KCNAB1: variants seen among roughly 807,000 people sequenced by gnomAD.
KCNAB1 encodes voltage-gated potassium channel subunit beta-1.
KCNAB1 carries 35 observed loss-of-function variants against 64.6 expected under a neutral mutation model. The observed-to-expected ratio is 0.54, with a 90% CI of 0.41 to 0.72. The LOEUF (loss-of-function observed/expected upper bound fraction) is 0.72, where lower values mean the gene tolerates loss of function less well. Among genes scored for constraint, KCNAB1 ranks in the 30% least tolerant of loss-of-function variants. The pLI is 0.00. For synonymous variants in KCNAB1, 177 were observed against 183.8 expected (o/e 0.96, Z 0.30); for missense variants, 401 against 512.9 (o/e 0.78, Z 2.11).
intron 1 of KCNAB1, among the ~76,000 whole-genome samples, chr3:156,249,253 A>G (rs1367948392): frequency 6.6e-6 from 1 of 152,072 alleles, no homozygotes; most frequent in Non-Finnish European, 1.5e-5. Context: ...GAAAATATCT[A>G]TGGGAAGGGG....
chr3:156,316,242 A>G (rs1248219044), intron 1 of KCNAB1, among the ~76,000 whole-genome samples: 1 of 152,082 alleles, frequency 6.6e-6, no homozygotes, highest in Admixed American at 6.5e-5. Flanking sequence ...GAAAACCAAC[A>G]CCCACCCCCA....
chr3:156,299,192 A>C (rs1720992335), intron 1 of KCNAB1, among the ~76,000 whole-genome samples: 1 of 152,186 alleles, frequency 6.6e-6, no homozygotes, highest in African/African-American at 2.4e-5. Flanking sequence ...GGTAGGCCCC[A>C]TTTTTCAACA....
chr3:156,474,885 CACAGCAGGAAATGAATTGT>C (rs990860727), intron 8 of KCNAB1, 65 bp downstream of exon 8: 13 of 1,182,706 alleles, frequency 1.1e-5, no homozygotes, highest in Middle Eastern at 2.0e-4. Context: ...TTATTCTGCT[CACAGCAGGAAATGAATTGT>C]ATTCAGACTG....
intron 1 of KCNAB1, among the ~76,000 whole-genome samples, chr3:156,262,070 A>G (rs1034810970): frequency 6.6e-6 from 1 of 151,878 alleles, no homozygotes; most frequent in African/African-American, 2.4e-5. Context: ...ATCTTGTTAA[A>G]TTCATTTATT....
chr3:156,291,682 T>C (rs1720434464), intron 1 of KCNAB1: 5 of 1,406,140 alleles, frequency 3.6e-6, no homozygotes, highest in Non-Finnish European at 4.6e-6. Context: ...GGGCCGTCTG[T>C]TTACTTCTCT....
At chr3:156,201,811 C>A (rs970074809) in intron 1 of KCNAB1, among the ~76,000 whole-genome samples, 1 of 152,084 alleles carries the variant, frequency 6.6e-6, no homozygotes, top group Non-Finnish European at 1.5e-5. Flanking sequence ...TGGGAGGCTG[C>A]GGTGTGGGGA....
At chr3:156,413,640 A>G (rs978968001) in intron 1 of KCNAB1, among the ~76,000 whole-genome samples, 3 of 152,190 alleles carry the variant, frequency 2.0e-5, no homozygotes, top group African/African-American at 7.2e-5. Context: ...ACTGCACTCA[A>G]CTGCCCCGTG....
chr3:156,538,415 T>TAAC lies in KCNAB1; in HGVS notation c.*1670_*1672dup, dbSNP rs1218102746. 4 of 152,380 alleles carry TAAC rather than the reference T, an allele frequency of 2.6e-5. No homozygotes were observed. The East Asian group carries it at 5.8e-4, about 22-fold the overall frequency. 9.4% of individuals were successfully genotyped at this position (152,380 alleles called of 1,614,324 possible). A position where few individuals can be genotyped will look rare whatever the true frequency, so the allele number is the denominator to read the frequency against. Reference sequence around the variant, plus strand: ...TTTTTGATTACTAGTACCTGTATTCTAACAGAGAGTTTGAATTTTTTGCCC... The same window carrying TAAC: ...TTTTTGATTACTAGTACCTGTATTCTAACAACAGAGAGTTTGAATTTTTTGCCC... On this transcript the variant is annotated 3_prime_UTR_variant, in exon 14 of 14. Transcript: ENST00000490337.
At chr3:156,214,835 G>A (rs952481959) in intron 1 of KCNAB1, among the ~76,000 whole-genome samples, 1 of 152,190 alleles carries the variant, frequency 6.6e-6, no homozygotes, top group Non-Finnish European at 1.5e-5. Flanking sequence ...ATTCATTCTT[G>A]TCACGAGGGG....
chr3:156,537,471 C>G lies in KCNAB1; in HGVS notation c.*724C>G, dbSNP rs1719135750. 1 of 155,896 alleles carries G rather than the reference C, an allele frequency of 6.4e-6. No homozygotes were observed. Among genetic ancestry groups the G allele is most frequent in the Admixed American group, 6.5e-5 (1 of 15,374 alleles). 9.7% of individuals were successfully genotyped at this position (155,896 alleles called of 1,614,324 possible). ...CTTATCCAGAATGTCTATTAGGATT[C>G]TAATGTTATGTCCACTTACAAGTAG... On this transcript the variant is annotated 3_prime_UTR_variant, in exon 14 of 14. Transcript: ENST00000490337.
intron 7 of KCNAB1, 73 bp from the exon 8 acceptor site, chr3:156,474,661 A>G (rs1412817737): frequency 1.8e-6 from 2 of 1,108,568 alleles, no homozygotes; most frequent in Admixed American, 3.9e-5. Context: ...AAATTCTTGA[A>G]AGAAACCAAA....
chr3:156,434,291 G>T (rs989350141), intron 2 of KCNAB1, among the ~76,000 whole-genome samples: 3 of 152,182 alleles, frequency 2.0e-5, no homozygotes, highest in African/African-American at 7.2e-5. Context: ...GTTGAGAATA[G>T]AGGTGGGGAG....
chr3:156,463,637 T>C, intron 5 of KCNAB1, 65 bp from the exon 6 acceptor site: 4 of 1,231,786 alleles, frequency 3.2e-6, no homozygotes, highest in Non-Finnish European at 4.6e-6. Context: ...ATTATAATAA[T>C]ATGACTCGGT....
intron 2 of KCNAB1, among the ~76,000 whole-genome samples, chr3:156,429,579 G>C (rs816546): frequency 0.91 from 138,480 of 152,310 alleles, 63,134 homozygotes; most frequent in East Asian, 1. Context: ...GCTCATCTCC[G>C]TCTGCCTTAG....
In KCNAB1 at chr3:156,340,504, C is replaced by T. The variant is rs150469901; in HGVS notation, c.276-81112C>T. 3.2e-3 allele frequency among the ~76,000 whole-genome samples: 494 copies of T among 152,272 alleles called. 3 individuals are homozygous for T. Among genetic ancestry groups the T allele is most frequent in the African/African-American group, 0.011 (452 of 41,550 alleles). On this transcript the variant is annotated intron_variant, in intron 1 of 13. Coordinates refer to ENST00000490337, the MANE Select transcript of KCNAB1 (RefSeq NM_172160.3). ...ACCATGGCAGATGGACCCCTGGTTC[C>T]ATCTCACCCTACACTTCCCTTTGGA...
intron 1 of KCNAB1, among the ~76,000 whole-genome samples, chr3:156,327,633 G>T (rs1400828029): frequency 6.6e-6 from 1 of 152,120 alleles, no homozygotes; most frequent in Non-Finnish European, 1.5e-5. Flanking sequence ...TGTAGCATGG[G>T]AATTGGAAAT....
At chr3:156,209,755 C>T (rs1344170066) in intron 1 of KCNAB1, among the ~76,000 whole-genome samples, 1 of 152,196 alleles carries the variant, frequency 6.6e-6, no homozygotes, top group Non-Finnish European at 1.5e-5. Flanking sequence ...TGCAAGTCTA[C>T]TAAATTTATT....
intron 1 of KCNAB1, among the ~76,000 whole-genome samples, chr3:156,144,967 AG>A (rs1714953908): frequency 6.6e-6 from 1 of 152,230 alleles, no homozygotes; most frequent in Non-Finnish European, 1.5e-5. Flanking sequence ...GACAGGTGAA[AG>A]CAAAGCTGCC....
At chr3:156,510,096 G>A (rs1253398880) in intron 8 of KCNAB1, among the ~76,000 whole-genome samples, 2 of 152,114 alleles carry the variant, frequency 1.3e-5, no homozygotes, top group Non-Finnish European at 2.9e-5. Flanking sequence ...CTCCTTCCAG[G>A]ACAAGAACTC....
Sources: gnomAD v4.1 joint callset for allele counts (sites outside exome capture counted in the v4.1 genomes callset) on GRCh38, gnomAD v4.1.1 for gene constraint, MANE v1.5 for transcripts, NCBI Gene and HGNC (gene_info 2026-07-23, HGNC 2026-07-21) for gene names.